The following NCOR1 variants were observed in gnomAD, a reference collection of about 807,000 sequenced individuals.
NCOR1 encodes the protein protein phosphatase 1, regulatory subunit 109.
A neutral mutation model predicts 288.1 loss-of-function variants in NCOR1; 63 were observed. The ratio of observed to expected loss-of-function variants is 0.22; its 90% confidence interval spans 0.18 to 0.27. The LOEUF is 0.27. Among genes scored for constraint, NCOR1 ranks in the 10% least tolerant of loss-of-function variants. NCOR1 has a pLI of 1.00. For missense variants in NCOR1, 2,397 were observed against 3,019.2 expected (o/e 0.79, Z 4.83); for synonymous variants, 1,007 against 1,065.9 (o/e 0.94, Z 1.08).
chr17:16,129,798 G>A (rs762850465), intron 14 of NCOR1, among the ~76,000 whole-genome samples: 1 of 152,230 alleles, frequency 6.6e-6, no homozygotes, highest in Non-Finnish European at 1.5e-5. Flanking sequence ...TCAGCAGAAC[G>A]TAAGGAAAGA....
chr17:16,195,437 C>G (rs528481496), intron 1 of NCOR1, among the ~76,000 whole-genome samples: 1 of 151,632 alleles, frequency 6.6e-6, no homozygotes. Flanking sequence ...CGCCATTGCA[C>G]GCCAGCCGGG....
chr17:16,070,972 T>G (rs1233358950), intron 30 of NCOR1, among the ~76,000 whole-genome samples: 1 of 150,426 alleles, frequency 6.6e-6, no homozygotes, highest in Non-Finnish European at 1.5e-5. Flanking sequence ...GACGTTGCAG[T>G]GAGCCAAGAT....
At chr17:16,096,790 A>G (rs766570088) in intron 21 of NCOR1, among the ~76,000 whole-genome samples, 1 of 152,222 alleles carries the variant, frequency 6.6e-6, no homozygotes, top group Non-Finnish European at 1.5e-5. Context: ...ACCCAAGCCC[A>G]GCACAAGAGG....
intron 21 of NCOR1, 21 bp from the exon 22 acceptor site, chr17:16,092,079 G>A (rs779450814): frequency 3.7e-6 from 6 of 1,608,946 alleles, no homozygotes; most frequent in South Asian, 1.1e-5. Context: ...AAAATAAATC[G>A]AAATATGCAA....
chr17:16,065,805 TGGAAC>T, intron 32 of NCOR1, 111 bp from the exon 33 acceptor site: 1 of 925,384 alleles, frequency 1.1e-6, no homozygotes, highest in Non-Finnish European at 1.7e-6. Flanking sequence ...CTAGTGCACA[TGGAAC>T]TTTTACTTAG....
chr17:16,119,567 T>C, intron 16 of NCOR1, 82 bp from the exon 17 acceptor site: 1 of 927,518 alleles, frequency 1.1e-6, no homozygotes, highest in Non-Finnish European at 1.6e-6. Flanking sequence ...ATTATATCTC[T>C]TTATCTGACA....
intron 26 of NCOR1, among the ~76,000 whole-genome samples, chr17:16,077,568 AGGGGGGAGG>A (rs1485913275): frequency 4.9e-4 from 5 of 10,288 alleles, no homozygotes; most frequent in Non-Finnish European, 1.7e-4. Flanking sequence ...AGGGGAGGAG[AGGGGGGAGG>A]GGAGGGGGAG....
At chr17:16,036,634 T>C (rs891965002) in intron 44 of NCOR1, among the ~76,000 whole-genome samples, 3 of 152,234 alleles carry the variant, frequency 2.0e-5, no homozygotes, top group Non-Finnish European at 2.9e-5. Flanking sequence ...CTTGCACTTT[T>C]ATGTTACAGA....
intron 10 of NCOR1, among the ~76,000 whole-genome samples, chr17:16,144,900 A>G (rs906642854): frequency 7.9e-6 from 1 of 126,604 alleles, no homozygotes; most frequent in Non-Finnish European, 1.7e-5. Context: ...CCCGCTTTCC[A>G]CGGTCTCCCC....
chr17:16,072,085 C>G (rs1302995398), intron 29 of NCOR1, 60 bp downstream of exon 29: 2 of 1,299,222 alleles, frequency 1.5e-6, no homozygotes, highest in African/African-American at 1.5e-5. Context: ...AAATTAATGT[C>G]AAACTATTTT....
intron 40 of NCOR1, among the ~76,000 whole-genome samples, chr17:16,051,433 T>C (rs1260928024): frequency 6.6e-6 from 1 of 152,166 alleles, no homozygotes; most frequent in African/African-American, 2.4e-5. Context: ...AGAAAGCAAG[T>C]TTTTTTAAAC....
At chr17:16,067,611 T>C (rs1375422547) in intron 32 of NCOR1, among the ~76,000 whole-genome samples, 1 of 152,248 alleles carries the variant, frequency 6.6e-6, no homozygotes, top group Non-Finnish European at 1.5e-5. Flanking sequence ...CATTTTAAAA[T>C]AATTATTCAC....
At chr17:16,091,550 T>TCTCA (rs3030848) in intron 22 of NCOR1, 600,537 of 1,123,782 alleles carry the variant, frequency 0.53, 165,153 homozygotes, top group Middle Eastern at 0.59. Context: ...GGACAACAAT[T>TCTCA]CTCACTCTGA....
intron 1 of NCOR1, among the ~76,000 whole-genome samples, chr17:16,209,259 G>C (rs541163000): frequency 2.0e-5 from 3 of 152,050 alleles, no homozygotes; most frequent in African/African-American, 4.8e-5. Context: ...GTTTGGAAGA[G>C]TAAGGGAGGA....
chr17:16,106,169 C>T (rs1374184960), intron 19 of NCOR1, among the ~76,000 whole-genome samples: 2 of 152,082 alleles, frequency 1.3e-5, no homozygotes, highest in Non-Finnish European at 1.5e-5. Context: ...CCTACCAAAG[C>T]ATTGAAAAGC....
At chr17:16,072,087 A>G in intron 29 of NCOR1, 58 bp downstream of exon 29, 12 of 1,319,202 alleles carry the variant, frequency 9.1e-6, no homozygotes, top group Non-Finnish European at 1.3e-5. Flanking sequence ...ATTAATGTCA[A>G]ACTATTTTGC....
chr17:16,062,901 C>G (rs1401922274), intron 35 of NCOR1, among the ~76,000 whole-genome samples: 1 of 152,206 alleles, frequency 6.6e-6, no homozygotes, highest in Non-Finnish European at 1.5e-5. Context: ...AACCCTAACT[C>G]TCCCATAACC....
intron 7 of NCOR1, 95 bp from the exon 8 acceptor site, chr17:16,152,093 AC>A: frequency 1.4e-6 from 1 of 702,828 alleles, no homozygotes; most frequent in East Asian, 2.9e-5. Flanking sequence ...CAGGTAAAGT[AC>A]TAATGGATCT....
intron 1 of NCOR1, among the ~76,000 whole-genome samples, chr17:16,208,692 T>TA (rs1179439245): frequency 1.3e-5 from 2 of 151,510 alleles, no homozygotes; most frequent in Non-Finnish European, 2.9e-5. Context: ...TTCTACAAAA[T>TA]AAAAAAATTG....
Sources: gnomAD v4.1 joint callset for allele counts (sites outside exome capture counted in the v4.1 genomes callset) on GRCh38, gnomAD v4.1.1 for gene constraint, MANE v1.5 for transcripts, NCBI Gene and HGNC (gene_info 2026-07-23, HGNC 2026-07-21) for gene names.